NOX4: variants seen among roughly 807,000 people sequenced by gnomAD.
The protein encoded by NOX4 is kidney oxidase-1.
NOX4 carries 69 observed loss-of-function variants against 87.6 expected under a neutral mutation model. The ratio of observed to expected loss-of-function variants is 0.79; its 90% CI spans 0.65 to 0.96. The LOEUF (loss-of-function observed/expected upper bound fraction) is 0.96, where lower values mean the gene tolerates loss of function less well. Ranked by LOEUF, NOX4 falls within the 40% of genes least tolerant of loss-of-function variation. The pLI is 0.00. For missense variants in NOX4, 680 were observed against 681.5 expected (o/e 1.00, Z 0.02); for synonymous variants, 275 against 238.2 (o/e 1.15, Z -1.42).
At chr11:89,334,429 T>C (rs1355766473) in intron 17 of NOX4, among the ~76,000 whole-genome samples, 3 of 151,796 alleles carry the variant, frequency 2.0e-5, no homozygotes, top group African/African-American at 7.2e-5. Context: ...GTTTTAAACA[T>C]GACTGTAATC....
chr11:89,499,063 T>A (rs1307532707), upstream of NOX4: 1 of 154,494 alleles, frequency 6.5e-6, no homozygotes, highest in Non-Finnish European at 1.5e-5. Context: ...TTTGTAGCAT[T>A]CGGTGAGGTT....
intron 13 of NOX4, among the ~76,000 whole-genome samples, chr11:89,351,903 A>C (rs1328584919): frequency 2.0e-5 from 3 of 152,226 alleles, no homozygotes; most frequent in African/African-American, 7.2e-5. Flanking sequence ...CTGCATATAC[A>C]CATAATCAAA....
intron 12 of NOX4, among the ~76,000 whole-genome samples, chr11:89,365,770 A>C (rs1019040083): frequency 8.8e-4 from 133 of 151,536 alleles, no homozygotes; most frequent in Non-Finnish European, 1.5e-3. Flanking sequence ...AAAAAAAAAA[A>C]AAAAAACAGG....
At chr11:89,544,621 A>G in the NOX4 span, among the ~76,000 whole-genome samples, 2 of 152,166 alleles carry the variant, frequency 1.3e-5, no homozygotes, top group Admixed American at 1.3e-4. Context: ...ATGTATACTG[A>G]ATACCTAAGA....
chr11:89,440,077 G>A (rs998282653), intron 6 of NOX4, among the ~76,000 whole-genome samples: 2 of 152,098 alleles, frequency 1.3e-5, no homozygotes, highest in African/African-American at 4.8e-5. Context: ...GCACAAAGCA[G>A]GCCCTCAATA....
chr11:89,584,266 CTT>C, the NOX4 span, among the ~76,000 whole-genome samples: 1 of 152,080 alleles, frequency 6.6e-6, no homozygotes, highest in Non-Finnish European at 1.5e-5. Flanking sequence ...AAATATGAGT[CTT>C]TATATATCAC....
the NOX4 span, among the ~76,000 whole-genome samples, chr11:89,512,621 G>T: frequency 1.3e-5 from 2 of 152,044 alleles, no homozygotes; most frequent in African/African-American, 4.8e-5. Context: ...TTTAGGCTGA[G>T]TAATATTACA....
chr11:89,480,451 G>A (rs1343316535), intron 2 of NOX4, among the ~76,000 whole-genome samples: 1 of 152,078 alleles, frequency 6.6e-6, no homozygotes, highest in Non-Finnish European at 1.5e-5. Flanking sequence ...ATAATGCTCA[G>A]CACAATATTC....
intron 8 of NOX4, among the ~76,000 whole-genome samples, chr11:89,416,724 C>A (rs1422408423): frequency 6.6e-6 from 1 of 152,056 alleles, no homozygotes; most frequent in Middle Eastern, 3.2e-3. Context: ...CCACTGTGCT[C>A]CCCTGGCATA....
At chr11:89,548,468 T>C in the NOX4 span, 3 of 152,282 alleles carry the variant, frequency 2.0e-5, no homozygotes, top group East Asian at 5.8e-4. Context: ...GATACTTTGT[T>C]GTAGTAATCT....
At chr11:89,456,477 T>C (rs2135402158) in intron 2 of NOX4, among the ~76,000 whole-genome samples, 1 of 151,972 alleles carries the variant, frequency 6.6e-6, no homozygotes, top group East Asian at 1.9e-4. Context: ...TGGGGAAGAC[T>C]AGCAAACTCT....
the NOX4 span, among the ~76,000 whole-genome samples, chr11:89,586,589 T>G: frequency 0.26 from 38,822 of 152,164 alleles, 5,728 homozygotes; most frequent in Middle Eastern, 0.38. Flanking sequence ...AATGGACTAC[T>G]TCTTCAAGAA....
chr11:89,432,779 C>T lies in NOX4; in HGVS notation c.548+5G>A, dbSNP rs764320181. ...CACATCAAAATAATTGATTCTGACA[C>T]TTACCTTATTGCATATGTAGAGGCT... On this transcript the variant is annotated splice_donor_5th_base_variant and intron_variant, in intron 7 of 17. Transcript: ENST00000263317. The T allele has an allele frequency of 1.3e-6, 2 of 1,596,310 alleles. No homozygotes were observed. Among genetic ancestry groups the T allele is most frequent in the South Asian group, 1.1e-5 (1 of 90,536 alleles).
chr11:89,438,865 TTA>T (rs369254094), intron 6 of NOX4, among the ~76,000 whole-genome samples: 5,687 of 22,702 alleles, frequency 0.25, 606 homozygotes, highest in East Asian at 0.48. Context: ...ATATTATATA[TTA>T]TATATATAAT....
chr11:89,389,113 T>C (rs1363653401), intron 11 of NOX4, among the ~76,000 whole-genome samples: 2 of 152,162 alleles, frequency 1.3e-5, no homozygotes, highest in African/African-American at 4.8e-5. Context: ...CCATCAATCT[T>C]GTCAGCAAAC....
At chr11:89,401,605 A>T (rs148254108) in intron 9 of NOX4, among the ~76,000 whole-genome samples, 2,653 of 152,186 alleles carry the variant, frequency 0.017, 77 homozygotes, top group East Asian at 0.13. Flanking sequence ...GGCAGTTCTC[A>T]CAGGCACAGA....
chr11:89,355,038 AT>A lies in NOX4; in HGVS notation c.1140del (p.Arg382GlufsTer40). On this transcript the variant is annotated frameshift_variant, in exon 13 of 18. Transcript: ENST00000263317. LOFTEE classifies it high-confidence loss of function. Reference protein sequence around the residue: ...HLKIVGDWTERFRDLLLPPSS... With the variant: ...HLKIVGDWTEXFRDLLLPPSS... ...GATGGAGGCAGTAGTAAATCTCGAAATCGTTCTGTCAAAAGAAAAATAAACA... is the reference window on the plus strand; with the variant it reads ...GATGGAGGCAGTAGTAAATCTCGAAACGTTCTGTCAAAAGAAAAATAAACA... 1 of 1,593,214 alleles carries A rather than the reference AT, an allele frequency of 6.3e-7. No individual in the cohort carries two copies.
rs1945188397 is a variant in NOX4 at position 89,325,523 on chromosome 11, A to G, written c.*1233T>C. The G allele has an allele frequency of 6.6e-6, 1 of 152,160 alleles. No homozygotes were observed. Among genetic ancestry groups the G allele is most frequent in the African/African-American group, 2.4e-5 (1 of 41,456 alleles). The allele number at this position is 152,160 out of a possible 1,614,324, so 9.4% of individuals were successfully genotyped here. A position where few individuals can be genotyped will look rare whatever the true frequency, so the allele number is the denominator to read the frequency against. On this transcript the variant is annotated 3_prime_UTR_variant, in exon 18 of 18. Transcript: ENST00000263317. ...CAGTGTAGTTCCAACGGTGACTTTA[A>G]ACCCAATAGTTCCCTATGGAAACTC...
intron 8 of NOX4, among the ~76,000 whole-genome samples, chr11:89,413,316 T>C (rs1487894455): frequency 6.6e-6 from 1 of 152,100 alleles, no homozygotes; most frequent in African/African-American, 2.4e-5. Flanking sequence ...GACCCAGCAA[T>C]CCTATTGGTA....
Sources: gnomAD v4.1 joint callset for allele counts (sites outside exome capture counted in the v4.1 genomes callset) on GRCh38, gnomAD v4.1.1 for gene constraint, MANE v1.5 for transcripts, NCBI Gene and HGNC (gene_info 2026-07-23, HGNC 2026-07-21) for gene names.